Variants in PTPRS observed in about 807,000 individuals in gnomAD.
The protein encoded by PTPRS is protein tyrosine phosphatase receptor type S.
Under a neutral mutation model 215.3 loss-of-function variants are expected in PTPRS, and 63 were observed. That is an observed-to-expected ratio of 0.29 (90% confidence interval 0.24 to 0.36). The LOEUF is 0.36. Among genes scored for constraint, PTPRS ranks in the 10% least tolerant of loss-of-function variants. The pLI, the probability that PTPRS is intolerant of heterozygous loss-of-function variation, is 1.00. For missense variants in PTPRS, 2,258 were observed against 2,825.8 expected, an observed-to-expected ratio of 0.80 and a Z score of 4.56; for synonymous variants, 1,404 against 1,191.4, an observed-to-expected ratio of 1.18 and a Z score of -3.68.
At position 5,210,372 on chromosome 19, in the gene PTPRS, G is replaced by A. The variant is rs1351083158; in HGVS notation, c.5487+97C>T. 1 of 1,539,876 alleles carries A rather than the reference G, an allele frequency of 6.5e-7. No individual in the cohort carries two copies. The highest frequency in any genetic ancestry group is 8.9e-7 in the Non-Finnish European group (1 of 1,125,644). The stretch of plus-strand genomic sequence containing the variant: ...ACTTCTCCTGATTCCCAATGCTTAT[G>A]CCTAACCCTTGGCCTTTGTATCCAT... On this transcript the variant is annotated intron_variant, in intron 35 of 37. Transcript: ENST00000262963. The surrounding 1 kb of genome is among the most constrained non-coding windows in gnomAD (Gnocchi z 4.5).
At position 5,222,993 on chromosome 19, in the gene PTPRS, C is replaced by G. The variant is rs1364268470; in HGVS notation, c.2799G>C (p.Gln933His). Residue 933 changes from glutamine (Q) to histidine (H), a missense_variant, in exon 18 of 38, where the codon CAG becomes CAC. By Grantham distance (24) the Gln-to-His change is conservative. Coordinates refer to ENST00000262963, the MANE Select transcript of PTPRS (RefSeq NM_002850.4). ...IPEDTPRGHPQILEAAGNASA... is the reference protein window; with the variant it reads ...IPEDTPRGHPHILEAAGNASA... ...AGGCGTTGCCGGCCGCCTCCAGAATCTGCGGGTGGCCACGGGGCGTGTCCT... is the reference window on the plus strand; with the variant it reads ...AGGCGTTGCCGGCCGCCTCCAGAATGTGCGGGTGGCCACGGGGCGTGTCCT... The G allele has an allele frequency of 6.5e-7, 1 of 1,541,544 alleles. No individual in the cohort carries two copies. Among genetic ancestry groups the G allele is most frequent in the Non-Finnish European group, 8.7e-7 (1 of 1,146,802 alleles).
At chr19:5,260,579 G>C (rs1219348851) in intron 7 of PTPRS, among the ~76,000 whole-genome samples, 1 of 152,170 alleles carries the variant, frequency 6.6e-6, no homozygotes, top group African/African-American at 2.4e-5. Flanking sequence ...GAGCGCCCCC[G>C]CCTTCCACAG....
chr19:5,260,970 C>T, intron 6 of PTPRS, 148 bp from the exon 7 acceptor site: 1 of 953,756 alleles, frequency 1.0e-6, no homozygotes, highest in South Asian at 1.5e-5. Flanking sequence ...GCATACGGAC[C>T]CTGCGGGCTT....
chr19:5,218,304 T>C, intron 25 of PTPRS, 116 bp downstream of exon 25: 1 of 826,160 alleles, frequency 1.2e-6, no homozygotes, highest in Non-Finnish European at 2.0e-6. Context: ...AGAATGTGGC[T>C]GCACCAAGCA....
chr19:5,289,217 G>A (rs997704869), intron 1 of PTPRS, among the ~76,000 whole-genome samples: 7 of 152,110 alleles, frequency 4.6e-5, no homozygotes, highest in Admixed American at 2.0e-4. Context: ...AACCCCAGGC[G>A]TGAGGTCCTC....
At chr19:5,240,869 A>C (rs2043977099) in intron 11 of PTPRS, among the ~76,000 whole-genome samples, 1 of 145,392 alleles carries the variant, frequency 6.9e-6, no homozygotes, top group Non-Finnish European at 1.5e-5. Flanking sequence ...ATAAAAATAA[A>C]AAAAATAAAA....
At chr19:5,276,830 C>T (rs1414084376) in intron 2 of PTPRS, among the ~76,000 whole-genome samples, 1 of 152,190 alleles carries the variant, frequency 6.6e-6, no homozygotes, top group Non-Finnish European at 1.5e-5. Context: ...GCGTGAGCCA[C>T]CAGGCAGGTG....
At chr19:5,286,722 G>C (rs1361235693) in intron 1 of PTPRS, among the ~76,000 whole-genome samples, 1 of 152,030 alleles carries the variant, frequency 6.6e-6, no homozygotes, top group African/African-American at 2.4e-5. Flanking sequence ...TAAGCCACTT[G>C]GTCTGTGGTA....
At chr19:5,247,918 C>T (rs1001223163) in intron 9 of PTPRS, among the ~76,000 whole-genome samples, 1 of 151,678 alleles carries the variant, frequency 6.6e-6, no homozygotes, top group Non-Finnish European at 1.5e-5. Context: ...GTCCAGAAGT[C>T]GCACTGGAGA....
chr19:5,211,154 T>C (rs2040842310), intron 33 of PTPRS, among the ~76,000 whole-genome samples: 1 of 152,238 alleles, frequency 6.6e-6, no homozygotes, highest in Non-Finnish European at 1.5e-5. Context: ...TGTGGCACCC[T>C]CTGCCAGGAA....
intron 6 of PTPRS, among the ~76,000 whole-genome samples, chr19:5,262,021 C>T (rs2046034917): frequency 6.6e-6 from 1 of 152,180 alleles, no homozygotes; most frequent in Non-Finnish European, 1.5e-5. Flanking sequence ...GCCTGTAATC[C>T]TAGCACTTTG....
chr19:5,332,877 G>T (rs62115126), intron 1 of PTPRS, among the ~76,000 whole-genome samples: 21,068 of 152,296 alleles, frequency 0.14, 1,664 homozygotes, highest in Admixed American at 0.24. Flanking sequence ...TGTTAGACGC[G>T]GTGGCTCACG....
intron 13 of PTPRS, among the ~76,000 whole-genome samples, chr19:5,235,947 G>A (rs10518243): frequency 0.12 from 18,636 of 152,200 alleles, 1,506 homozygotes; most frequent in African/African-American, 0.23. Flanking sequence ...TTCATTTTCT[G>A]CACGCCTACT....
chr19:5,225,946 G>A (rs1291463128), intron 16 of PTPRS, 102 bp from the exon 17 acceptor site: 18 of 930,942 alleles, frequency 1.9e-5, no homozygotes, highest in Non-Finnish European at 2.7e-5. Flanking sequence ...TGCAGGGCCC[G>A]GATCAGGGGT....
chr19:5,283,869 T>C (rs2048091288), intron 2 of PTPRS, among the ~76,000 whole-genome samples: 1 of 150,936 alleles, frequency 6.6e-6, no homozygotes, highest in South Asian at 2.1e-4. Flanking sequence ...ATCTAGGAGT[T>C]TGAGACCAGC....
At chr19:5,261,064 G>A (rs925609967) in intron 6 of PTPRS, among the ~76,000 whole-genome samples, 2 of 152,122 alleles carry the variant, frequency 1.3e-5, no homozygotes, top group Non-Finnish European at 1.5e-5. Context: ...TGTAGAAGGC[G>A]GGAATCTCTG....
chr19:5,279,957 A>G (rs1437060870), intron 2 of PTPRS, among the ~76,000 whole-genome samples: 1 of 152,234 alleles, frequency 6.6e-6, no homozygotes, highest in African/African-American at 2.4e-5. Flanking sequence ...TGCTGGGATT[A>G]CAGGCGTGAG....
chr19:5,260,786 T>C lies in PTPRS; in HGVS notation c.595+19A>G, dbSNP rs186753101. ...GCAAGAGCGAGCGTGAGTGGGTGGG[T>C]GAGTGAGGAGCCTCTTACCTCGAAT... On this transcript the variant is annotated intron_variant, in intron 7 of 37. Transcript: ENST00000262963. The C allele has an allele frequency of 1.1e-4, 178 of 1,613,132 alleles. No homozygotes were observed. The East Asian group carries it at 3.2e-3, about 29-fold the overall frequency.
chr19:5,250,841 A>T (rs1051144895), intron 9 of PTPRS, among the ~76,000 whole-genome samples: 2 of 150,708 alleles, frequency 1.3e-5, no homozygotes, highest in Non-Finnish European at 3.0e-5. Context: ...GGAGGAAGGA[A>T]ACTCAAAAGT....
Sources: gnomAD v4.1 joint callset for allele counts (sites outside exome capture counted in the v4.1 genomes callset) on GRCh38, gnomAD v4.1.1 for gene constraint, Gnocchi (gnomAD v3.1) non-coding constraint, MANE v1.5 for transcripts, NCBI Gene and HGNC (gene_info 2026-07-23, HGNC 2026-07-21) for gene names.